Variants in UPF2 observed in about 807,000 individuals in gnomAD.
The protein encoded by UPF2 is regulator of nonsense transcripts 2.
A neutral mutation model predicts 141.4 loss-of-function variants in UPF2; 17 were observed. The ratio of observed to expected loss-of-function variants is 0.12; its 90% CI spans 0.08 to 0.18. The LOEUF (loss-of-function observed/expected upper bound fraction) is 0.18, where lower values mean the gene tolerates loss of function less well. Among genes scored for constraint, UPF2 ranks in the 10% least tolerant of loss-of-function variants. The pLI is 1.00. For missense variants in UPF2, 1,152 were observed against 1,515.9 expected (o/e 0.76, Z 3.99); for synonymous variants, 540 against 498.0 (o/e 1.08, Z -1.12).
At position 11,936,992 on chromosome 10, in the gene UPF2, C is replaced by T. The variant is rs111539120; in HGVS notation, c.3379-280G>A. ...AGCCTCTCCCAAGCACGCAGTGCTGCGGGTTCTACCAAATCCCCCTGCTCC... is the reference window on the plus strand; with the variant it reads ...AGCCTCTCCCAAGCACGCAGTGCTGTGGGTTCTACCAAATCCCCCTGCTCC... On this transcript the variant is annotated intron_variant, in intron 18 of 21. Transcript: ENST00000357604. This position sits in a 1 kb window ranked among gnomAD's most constrained non-coding sequence, Gnocchi z 6.6. Among the ~76,000 whole-genome samples the T allele has an allele frequency of 1.1e-4, 17 of 152,354 alleles. No homozygotes were observed. Among genetic ancestry groups the T allele is most frequent in the African/African-American group, 3.8e-4 (16 of 41,588 alleles).
At chr10:12,001,280 G>A (rs987467592) in intron 6 of UPF2, among the ~76,000 whole-genome samples, 4 of 152,088 alleles carry the variant, frequency 2.6e-5, no homozygotes, top group African/African-American at 4.8e-5. Flanking sequence ...TGGGCATGGT[G>A]GCAGGCAGCT....
At chr10:12,041,233 T>C (rs747750555) in intron 1 of UPF2, among the ~76,000 whole-genome samples, 5 of 152,192 alleles carry the variant, frequency 3.3e-5, no homozygotes, top group Non-Finnish European at 5.9e-5. Flanking sequence ...GTTTTTCAAG[T>C]CCAAATACAA....
chr10:12,004,454 ATT>A (rs930779937), intron 5 of UPF2, 74 bp downstream of exon 5: 62 of 1,050,616 alleles, frequency 5.9e-5, no homozygotes, highest in Non-Finnish European at 6.7e-5. Context: ...CAATATATAT[ATT>A]TTTTTTTTAC....
intron 4 of UPF2, among the ~76,000 whole-genome samples, chr10:12,005,383 A>T (rs138827974): frequency 5.3e-5 from 8 of 152,212 alleles, no homozygotes; most frequent in African/African-American, 1.9e-4. Context: ...TCCAAAGGGT[A>T]GAAGTTTGAG....
intron 3 of UPF2, among the ~76,000 whole-genome samples, chr10:12,020,621 A>G (rs892257080): frequency 6.6e-6 from 1 of 152,246 alleles, no homozygotes; most frequent in African/African-American, 2.4e-5. Context: ...ATCTATTAAT[A>G]AAAGCTAACT....
At chr10:11,984,340 T>G (rs1375538933) in intron 8 of UPF2, among the ~76,000 whole-genome samples, 1 of 152,240 alleles carries the variant, frequency 6.6e-6, no homozygotes, top group Non-Finnish European at 1.5e-5. Context: ...GATTTTCAAG[T>G]GGTTTTAAAA....
At position 11,956,283 on chromosome 10, in the gene UPF2, AT is replaced by A. The variant is rs1376428967; in HGVS notation, c.2574+36del. Reference sequence around the variant, plus strand: ...CCTAGAAATAATAAATTCTCCACGAATTCCAGTTGTGTGACATTAAAGGAAG... The same window carrying A: ...CCTAGAAATAATAAATTCTCCACGAATCCAGTTGTGTGACATTAAAGGAAG... On this transcript the variant is annotated intron_variant, in intron 13 of 21. Transcript: ENST00000357604. This position sits in a 1 kb window ranked among gnomAD's most constrained non-coding sequence, Gnocchi z 4.2. The A allele has an allele frequency of 1.9e-6, 3 of 1,584,714 alleles. No individual in the cohort carries two copies. The East Asian group carries it at 6.7e-5, about 35-fold the overall frequency.
intron 3 of UPF2, among the ~76,000 whole-genome samples, chr10:12,022,522 AACTGTACCCATTAAAATGGGT>A (rs1834336450): frequency 6.6e-6 from 1 of 152,224 alleles, no homozygotes; most frequent in Admixed American, 6.5e-5. Context: ...AGCAAAGCAA[AACTGTACCCATTAAAATGGGT>A]ACTACTACTA....
At chr10:12,023,422 C>G (rs958638132) in intron 3 of UPF2, among the ~76,000 whole-genome samples, 2 of 151,138 alleles carry the variant, frequency 1.3e-5, no homozygotes, top group African/African-American at 4.9e-5. Context: ...CACCTGTAAT[C>G]CTAGCACTTT....
chr10:11,954,360 C>T (rs565437697), intron 14 of UPF2, among the ~76,000 whole-genome samples: 1 of 151,924 alleles, frequency 6.6e-6, no homozygotes, highest in South Asian at 2.1e-4. Flanking sequence ...AGGCTGGGCA[C>T]AGTGACTCAC....
chr10:11,967,308 C>CA, intron 10 of UPF2, 33 bp downstream of exon 10: 1 of 1,245,388 alleles, frequency 8.0e-7, no homozygotes, highest in Non-Finnish European at 1.1e-6. Flanking sequence ...TTAAACTTTT[C>CA]AATTAAAAAC....
intron 1 of UPF2, among the ~76,000 whole-genome samples, chr10:12,038,831 CTG>C (rs1301726548): frequency 6.6e-6 from 1 of 151,932 alleles, no homozygotes; most frequent in Non-Finnish European, 1.5e-5. Flanking sequence ...TAAAAAAAAA[CTG>C]TTTTAATAAA....
intron 8 of UPF2, among the ~76,000 whole-genome samples, chr10:11,982,858 G>A (rs767095411): frequency 7.9e-5 from 12 of 152,014 alleles, no homozygotes; most frequent in Non-Finnish European, 1.2e-4. Flanking sequence ...GACCTTAGGC[G>A]ATCCACCCCC....
rs1048724146 is a variant in UPF2, at chr10:11,948,233, G to A, written c.3174+136C>T. 5.5e-6 allele frequency: 5 copies of A among 915,528 alleles called. No individual in the cohort carries two copies. The African/African-American group carries it at 1.0e-4, about 19-fold the overall frequency. The allele number at this position is 915,528 out of a possible 1,614,324, so 56.7% of individuals were successfully genotyped here. A position where few individuals can be genotyped will look rare whatever the true frequency, so the allele number is the denominator to read the frequency against. The stretch of plus-strand genomic sequence containing the variant: ...ACAGCACTCCAACTTGGGCGACAGA[G>A]CAAGACTCTGTCTCAAAAAAAAAAA... On this transcript the variant is annotated intron_variant, in intron 16 of 21. Coordinates refer to ENST00000357604, the MANE Select transcript of UPF2 (RefSeq NM_015542.4).
chr10:12,033,946 T>C (rs1834573858), intron 2 of UPF2, among the ~76,000 whole-genome samples: 1 of 152,230 alleles, frequency 6.6e-6, no homozygotes, highest in Admixed American at 6.5e-5. Context: ...CATTTTTCAC[T>C]AGTTTATTAT....
Position 12,029,390 on chromosome 10 carries a change from C to T in UPF2, c.500G>A (p.Ser167Asn). ...GACAAAAGCAGTATTTTTCTTCAAA[C>T]TTGAGTCGAGGCGGCTGAAGAAGTT... is the stretch of plus-strand genomic sequence containing the variant. ...EENFFSRLDS[S>N]LKKNTAFVKK... The change falls in exon 3 of 22, where the codon AGT becomes AAT. Residue 167 changes from serine to asparagine, a missense_variant. Physicochemically the swap from Ser to Asn is conservative, Grantham distance 46. Transcript: ENST00000357604. The T allele has an allele frequency of 6.2e-7, 1 of 1,614,202 alleles. No individual in the cohort carries two copies. Among genetic ancestry groups the T allele is most frequent in the African/African-American group, 1.3e-5 (1 of 75,056 alleles).
chr10:12,026,301 C>G (rs577499543), intron 3 of UPF2, among the ~76,000 whole-genome samples: 1 of 152,158 alleles, frequency 6.6e-6, no homozygotes, highest in African/African-American at 2.4e-5. Context: ...ATAAGTTTAA[C>G]AAAAACCAAA....
intron 4 of UPF2, among the ~76,000 whole-genome samples, chr10:12,006,450 G>T (rs867180919): frequency 6.6e-6 from 1 of 151,880 alleles, no homozygotes; most frequent in African/African-American, 2.4e-5. Context: ...AAAATTAACC[G>T]TAAGTTAGAT....
intron 14 of UPF2, among the ~76,000 whole-genome samples, chr10:11,952,931 A>C (rs1833096617): frequency 6.6e-6 from 1 of 152,172 alleles, no homozygotes; most frequent in African/African-American, 2.4e-5. Flanking sequence ...CGTTGTGATA[A>C]TGTTCATTAT....
Sources: allele counts gnomAD v4.1 joint callset (sites outside exome capture counted in the v4.1 genomes callset), GRCh38; gene constraint gnomAD v4.1.1; non-coding constraint Gnocchi (gnomAD v3.1); transcripts MANE v1.5; gene names NCBI Gene and HGNC (gene_info 2026-07-23, HGNC 2026-07-21).